LMBR1: variants seen among roughly 807,000 people sequenced by gnomAD.
LMBR1 encodes the protein limb region 1 protein homolog.
LMBR1 carries 52 observed loss-of-function variants against 73.9 expected under a neutral mutation model. That is an observed-to-expected ratio of 0.70 (90% confidence interval 0.56 to 0.89). The LOEUF (loss-of-function observed/expected upper bound fraction) is 0.89, where lower values mean the gene tolerates loss of function less well. Among genes scored for constraint, LMBR1 ranks in the 40% least tolerant of loss-of-function variants. The pLI is 0.00. For synonymous variants in LMBR1, 215 were observed against 209.4 expected, an observed-to-expected ratio of 1.03 and a Z score of -0.23; for missense variants, 539 against 579.8, an observed-to-expected ratio of 0.93 and a Z score of 0.72.
At chr7:156,798,706 A>G (rs1830443255) in intron 4 of LMBR1, among the ~76,000 whole-genome samples, 2 of 152,230 alleles carry the variant, frequency 1.3e-5, no homozygotes, top group South Asian at 4.1e-4. Context: ...CATTATTATT[A>G]TTCTTTAGTA....
At chr7:156,804,383 C>A (rs1012157273) in intron 4 of LMBR1, among the ~76,000 whole-genome samples, 1 of 152,102 alleles carries the variant, frequency 6.6e-6, no homozygotes, top group Non-Finnish European at 1.5e-5. Context: ...TAGACCTATG[C>A]GATCATTTCT....
intron 1 of LMBR1, among the ~76,000 whole-genome samples, chr7:156,850,579 T>C (rs1426993731): frequency 2.6e-5 from 4 of 152,212 alleles, no homozygotes; most frequent in Non-Finnish European, 4.4e-5. Flanking sequence ...CTTAGCGTAA[T>C]GTTTTCAAGG....
chr7:156,709,830 T>C (rs1298807550), intron 15 of LMBR1, among the ~76,000 whole-genome samples: 1 of 148,724 alleles, frequency 6.7e-6, no homozygotes, highest in Non-Finnish European at 1.5e-5. Flanking sequence ...TCACACTAGC[T>C]CCCTAGCAAT....
At position 156,692,357 on chromosome 7, in the gene LMBR1, G is replaced by A. The variant is rs541542496; in HGVS notation, c.1226-4166C>T. Among the ~76,000 whole-genome samples the A allele has an allele frequency of 1.3e-4, 20 of 152,284 alleles. No homozygotes were observed. The East Asian group carries it at 2.5e-3, about 19-fold the overall frequency. ...CTCCCAAAGTGCTGGGATTACAGGC[G>A]TGAGCCACTGTGCCCAGCTGACTTT... On this transcript the variant is annotated intron_variant, in intron 15 of 16. Transcript: ENST00000353442.
chr7:156,712,597 G>C (rs1812309789), intron 15 of LMBR1, among the ~76,000 whole-genome samples: 1 of 152,114 alleles, frequency 6.6e-6, no homozygotes, highest in Non-Finnish European at 1.5e-5. Flanking sequence ...CAATAGCAAA[G>C]ATATGGAATC....
chr7:156,733,447 A>T (rs2132488194), intron 10 of LMBR1, among the ~76,000 whole-genome samples: 1 of 152,312 alleles, frequency 6.6e-6, no homozygotes, highest in Non-Finnish European at 1.5e-5. Context: ...GACATAATAG[A>T]AGATACAAAA....
At chr7:156,807,234 C>T (rs940372664) in intron 4 of LMBR1, among the ~76,000 whole-genome samples, 1 of 152,162 alleles carries the variant, frequency 6.6e-6, no homozygotes. Context: ...GAGGGTAATG[C>T]TGACCTCAGT....
intron 4 of LMBR1, among the ~76,000 whole-genome samples, chr7:156,814,467 A>G (rs1833589581): frequency 6.6e-6 from 1 of 152,242 alleles, no homozygotes; most frequent in African/African-American, 2.4e-5. Flanking sequence ...GTGTACATGT[A>G]CAAGCAAGGC....
intron 5 of LMBR1, among the ~76,000 whole-genome samples, chr7:156,790,910 G>T (rs913523577): frequency 6.6e-6 from 1 of 152,074 alleles, no homozygotes; most frequent in Non-Finnish European, 1.5e-5. Context: ...CACCTTTACA[G>T]TAAAACAATT....
Position 156,683,911 on chromosome 7 carries a change from T to G in LMBR1, c.*167A>C. ...ATCAGAAAGTTAAATTTAAAAAAGA[T>G]CAGCCATAGCCAAGTTCTTCGTAGA... is the stretch of plus-strand genomic sequence containing the variant. On this transcript the variant is annotated 3_prime_UTR_variant, in exon 17 of 17. Transcript: ENST00000353442. The G allele has an allele frequency of 3.2e-6, 2 of 625,308 alleles. No homozygotes were observed. The highest frequency in any genetic ancestry group is 5.7e-6 in the Non-Finnish European group (2 of 353,066). 38.7% of individuals were successfully genotyped at this position (625,308 alleles called of 1,614,324 possible). A position where few individuals can be genotyped will look rare whatever the true frequency, so the allele number is the denominator to read the frequency against.
At chr7:156,892,196 G>A (rs1803136489) in intron 1 of LMBR1, among the ~76,000 whole-genome samples, 1 of 152,234 alleles carries the variant, frequency 6.6e-6, no homozygotes, top group Non-Finnish European at 1.5e-5. Context: ...TGCTTCCATA[G>A]CAAAATGGAC....
intron 1 of LMBR1, among the ~76,000 whole-genome samples, chr7:156,878,682 T>G (rs1315165541): frequency 6.6e-6 from 1 of 152,196 alleles, no homozygotes; most frequent in Non-Finnish European, 1.5e-5. Context: ...ACCATCATTC[T>G]TCACAGAACT....
chr7:156,856,557 C>A (rs1211080752), intron 1 of LMBR1, among the ~76,000 whole-genome samples: 2 of 151,866 alleles, frequency 1.3e-5, no homozygotes, highest in Non-Finnish European at 1.5e-5. Flanking sequence ...CCCATCTCTA[C>A]TAAAAATACA....
intron 9 of LMBR1, among the ~76,000 whole-genome samples, chr7:156,737,655 T>C (rs1489486670): frequency 6.7e-6 from 1 of 149,958 alleles, no homozygotes; most frequent in Non-Finnish European, 1.5e-5. Flanking sequence ...TATCTTCTAA[T>C]CTTTTTGCTA....
intron 9 of LMBR1, among the ~76,000 whole-genome samples, chr7:156,741,236 AAGAAG>A (rs1486199468): frequency 1.2e-4 from 19 of 152,142 alleles, no homozygotes; most frequent in Non-Finnish European, 2.5e-4. Flanking sequence ...ACAGGAAGGA[AAGAAG>A]AGAAGACTAT....
chr7:156,708,381 C>A (rs994117883), intron 15 of LMBR1, among the ~76,000 whole-genome samples: 1 of 152,116 alleles, frequency 6.6e-6, no homozygotes, highest in African/African-American at 2.4e-5. Flanking sequence ...AGCTGAAAAT[C>A]CAGATAATGG....
chr7:156,700,070 G>C (rs988232685), intron 15 of LMBR1, among the ~76,000 whole-genome samples: 6 of 152,286 alleles, frequency 3.9e-5, no homozygotes, highest in African/African-American at 1.2e-4. Flanking sequence ...TATAAATCAT[G>C]CTGCTATAAA....
chr7:156,737,202 A>G (rs1333794680), intron 9 of LMBR1, among the ~76,000 whole-genome samples: 1 of 152,172 alleles, frequency 6.6e-6, no homozygotes, highest in Non-Finnish European at 1.5e-5. Flanking sequence ...TTGCTCTTAC[A>G]TTATAGTTTG....
At chr7:156,831,264 C>T in intron 3 of LMBR1, among the ~76,000 whole-genome samples, 1 of 145,568 alleles carries the variant, frequency 6.9e-6, no homozygotes. Context: ...GTATCAAGCA[C>T]CCTACCCTAG....
Sources: allele counts gnomAD v4.1 joint callset (sites outside exome capture counted in the v4.1 genomes callset), GRCh38; gene constraint gnomAD v4.1.1; transcripts MANE v1.5; gene names NCBI Gene and HGNC (gene_info 2026-07-23, HGNC 2026-07-21).